TEAD4: variants seen among roughly 807,000 people sequenced by gnomAD.
TEAD4 encodes TEA domain transcription factor 4, also known as transcriptional enhancer factor TEF-3.
Under a neutral mutation model 52.4 loss-of-function variants are expected in TEAD4, and 36 were observed. The observed-to-expected ratio is 0.69, with a 90% CI of 0.53 to 0.91. The LOEUF is 0.91. TEAD4 is among the 40% of genes least tolerant of loss of function. The pLI is 0.00. For missense variants in TEAD4, 508 were observed against 583.9 expected, an observed-to-expected ratio of 0.87 and a Z score of 1.34; for synonymous variants, 220 against 231.0, an observed-to-expected ratio of 0.95 and a Z score of 0.43.
At chr12:3,025,983 T>C (rs938842431) in intron 10 of TEAD4, among the ~76,000 whole-genome samples, 2 of 152,070 alleles carry the variant, frequency 1.3e-5, no homozygotes, top group East Asian at 1.9e-4. Flanking sequence ...TTCTCCCTAA[T>C]GGCCAGTTTC....
rs534258441 is a variant in TEAD4, at chr12:3,017,338, G to C, written c.355-60G>C. The C allele has an allele frequency of 1.3e-4, 209 of 1,610,100 alleles. 3 individuals are homozygous for C. In the South Asian group the frequency reaches 2.2e-3, roughly 17 times the overall value. On this transcript the variant is annotated intron_variant, in intron 5 of 12. Transcript: ENST00000359864. Reference sequence around the variant, plus strand: ...CTTCCCTGACCCGAGGGCCGGACCTGCCTGGCCTCAGCCTGACTAGTGACC... The same window carrying C: ...CTTCCCTGACCCGAGGGCCGGACCTCCCTGGCCTCAGCCTGACTAGTGACC...
At chr12:2,999,167 C>A (rs142267616) in intron 3 of TEAD4, among the ~76,000 whole-genome samples, 1 of 152,170 alleles carries the variant, frequency 6.6e-6, no homozygotes, top group Non-Finnish European at 1.5e-5. Flanking sequence ...CTCAGCTCAC[C>A]GTGGCTGCTC....
chr12:3,017,588 C>G (rs900149182), intron 6 of TEAD4, 62 bp downstream of exon 6: 6 of 1,529,270 alleles, frequency 3.9e-6, no homozygotes, highest in Admixed American at 2.2e-5. Flanking sequence ...CCTCCCTGTT[C>G]AGAAGAGCCA....
chr12:3,025,445 T>A (rs1409981785), intron 10 of TEAD4, among the ~76,000 whole-genome samples: 1 of 152,178 alleles, frequency 6.6e-6, no homozygotes, highest in Non-Finnish European at 1.5e-5. Flanking sequence ...TTTTATTATA[T>A]CCTTATACTT....
rs115411341 is a variant in TEAD4 at position 2,960,820 on chromosome 12, C to T, written c.-30+780C>T. On this transcript the variant is annotated intron_variant, in intron 2 of 12. Transcript: ENST00000359864. ...GTTGGTTCTGGCTAGGACTGTTCTT[C>T]CTCCCTACATAGCCGTGGGCAAGAG... Among the ~76,000 whole-genome samples the T allele has an allele frequency of 4.2e-3, 647 of 152,284 alleles. 3 individuals carry two copies. The highest frequency in any genetic ancestry group is 0.015 in the African/African-American group (603 of 41,556).
At chr12:3,033,848 G>A (rs944891427) in intron 10 of TEAD4, among the ~76,000 whole-genome samples, 5 of 151,926 alleles carry the variant, frequency 3.3e-5, no homozygotes, top group African/African-American at 7.3e-5. Context: ...CAGTGTGGGG[G>A]GATATGAGGG....
chr12:2,972,568 C>G (rs558366491), intron 2 of TEAD4, among the ~76,000 whole-genome samples: 1 of 128,614 alleles, frequency 7.8e-6, no homozygotes, highest in Non-Finnish European at 1.6e-5. Flanking sequence ...GGTGCAATCT[C>G]GGCTCACTGC....
chr12:2,963,940 G>A (rs1347365251), intron 2 of TEAD4, among the ~76,000 whole-genome samples: 1 of 152,210 alleles, frequency 6.6e-6, no homozygotes, highest in Non-Finnish European at 1.5e-5. Context: ...AACTTCATGG[G>A]AACAATAGAC....
At chr12:2,975,034 A>G (rs141894822) in intron 2 of TEAD4, among the ~76,000 whole-genome samples, 1 of 152,034 alleles carries the variant, frequency 6.6e-6, no homozygotes, top group Non-Finnish European at 1.5e-5. Flanking sequence ...CTGTATTTTC[A>G]TAATTTTTGC....
chr12:3,038,654 C>G (rs1185737520), intron 11 of TEAD4, among the ~76,000 whole-genome samples: 1 of 152,210 alleles, frequency 6.6e-6, no homozygotes. Context: ...TTCTCCCACT[C>G]TGCTAAACCC....
intron 3 of TEAD4, among the ~76,000 whole-genome samples, chr12:2,999,437 G>A (rs1055766850): frequency 2.6e-5 from 4 of 152,204 alleles, no homozygotes; most frequent in Admixed American, 6.5e-5. Context: ...GGCCTGCTCC[G>A]AGCTCCGCCC....
chr12:3,017,323 C>G (rs2098265290), intron 5 of TEAD4, 75 bp from the exon 6 acceptor site: 1 of 1,600,582 alleles, frequency 6.2e-7, no homozygotes, highest in African/African-American at 1.3e-5. Context: ...CTTCCCTGAC[C>G]CGAGGGCCGG....
chr12:3,010,711 C>CG (rs1249450326), intron 3 of TEAD4, among the ~76,000 whole-genome samples: 2 of 152,216 alleles, frequency 1.3e-5, no homozygotes, highest in Non-Finnish European at 2.9e-5. Context: ...GGAACGGTAC[C>CG]GGGGGTCAAG....
chr12:3,030,418 C>G (rs1230701666), intron 10 of TEAD4, among the ~76,000 whole-genome samples: 1 of 152,128 alleles, frequency 6.6e-6, no homozygotes, highest in East Asian at 1.9e-4. Flanking sequence ...TTGTCAGTTC[C>G]TGGGGACAAA....
At chr12:3,012,855 G>C (rs1290530600) in intron 5 of TEAD4, among the ~76,000 whole-genome samples, 1 of 152,204 alleles carries the variant, frequency 6.6e-6, no homozygotes, top group African/African-American at 2.4e-5. Context: ...GAGGGAGTGA[G>C]CTCTCCATCA....
intron 10 of TEAD4, among the ~76,000 whole-genome samples, chr12:3,024,615 C>A (rs7311992): frequency 2.0e-5 from 3 of 152,056 alleles, no homozygotes; most frequent in Admixed American, 6.6e-5. Context: ...CAAAATCGCA[C>A]CATTGCATTC....
intron 2 of TEAD4, among the ~76,000 whole-genome samples, chr12:2,981,692 A>G (rs1164681645): frequency 1.3e-5 from 2 of 152,206 alleles, no homozygotes; most frequent in African/African-American, 2.4e-5. Context: ...GACTGTTGGC[A>G]GGAATTAAAT....
intron 10 of TEAD4, 55 bp from the exon 11 acceptor site, chr12:3,037,913 C>T (rs2098280367): frequency 6.4e-7 from 1 of 1,574,652 alleles, no homozygotes; most frequent in Non-Finnish European, 8.7e-7. Flanking sequence ...CTTGATGCTC[C>T]CGTCTGACAT....
intron 11 of TEAD4, among the ~76,000 whole-genome samples, chr12:3,039,359 C>G (rs900834835): frequency 1.3e-5 from 2 of 152,226 alleles, no homozygotes; most frequent in African/African-American, 4.8e-5. Flanking sequence ...TTGCCCTGGC[C>G]ATATCTTGCA....
Sources: allele counts gnomAD v4.1 joint callset (sites outside exome capture counted in the v4.1 genomes callset), GRCh38; gene constraint gnomAD v4.1.1; transcripts MANE v1.5; gene names NCBI Gene and HGNC (gene_info 2026-07-23, HGNC 2026-07-21).